The following NUP62CL variants were observed in gnomAD, a reference collection of about 807,000 sequenced individuals.
The protein encoded by NUP62CL is nucleoporin 62 C-terminal like.
NUP62CL carries 13 observed loss-of-function variants against 15.3 expected under a neutral mutation model. The ratio of observed to expected loss-of-function variants is 0.85; its 90% CI spans 0.55 to 1.35. NUP62CL has a LOEUF of 1.35. Ranked by LOEUF, NUP62CL falls within the 40% of genes most tolerant of loss-of-function variation. NUP62CL has a pLI of 0.00. For synonymous variants in NUP62CL, 54 were observed against 49.2 expected (o/e 1.10, Z -0.41); for missense variants, 123 against 130.6 (o/e 0.94, Z 0.28).
intron 8 of NUP62CL, among the ~76,000 whole-genome samples, chrX:107,142,957 G>A (rs781739104): frequency 7.2e-5 from 8 of 111,436 alleles, no homozygotes; most frequent in Admixed American, 2.9e-4. Context: ...TAGACTGATC[G>A]GGAGGAAAAA....
Position 107,141,108 on chromosome X carries a change from A to G in NUP62CL, c.*42+6635T>C, listed in dbSNP as rs768242188. On this transcript the variant is annotated intron_variant, in intron 8 of 8. Coordinates refer to ENST00000372466, the MANE Select transcript of NUP62CL (RefSeq NM_017681.3). ...CATAAGTAGGATTAGTGAGAAATCT[A>G]ATTTTGCAGATGTATTGAGTGTATT... Among the ~76,000 whole-genome samples the G allele has an allele frequency of 3.6e-5, 4 of 112,585 alleles. No individual in the cohort carries two copies. In the South Asian group the frequency reaches 1.5e-3, roughly 42 times the overall value.
At chrX:107,160,906 A>T (rs1210875268) in intron 4 of NUP62CL, among the ~76,000 whole-genome samples, 146 of 108,634 alleles carry the variant, frequency 1.3e-3, no homozygotes, top group Non-Finnish European at 2.5e-3. Context: ...AATATCCAGA[A>T]TCTACAATGA....
At chrX:107,187,430 C>T (rs1281995662) in intron 2 of NUP62CL, among the ~76,000 whole-genome samples, 1 of 112,381 alleles carries the variant, frequency 8.9e-6, no homozygotes, top group Non-Finnish European at 1.9e-5. Flanking sequence ...TGAAGTCTGG[C>T]TCTGTCACCC....
chrX:107,142,146 A>C (rs985900298), intron 8 of NUP62CL, among the ~76,000 whole-genome samples: 1 of 111,032 alleles, frequency 9.0e-6, no homozygotes, highest in African/African-American at 3.3e-5. Context: ...AATTAAAAGC[A>C]ATACCCTCAG....
intron 1 of NUP62CL, among the ~76,000 whole-genome samples, chrX:107,205,971 C>T (rs1303025922): frequency 9.1e-6 from 1 of 110,404 alleles, no homozygotes; most frequent in African/African-American, 3.3e-5. Context: ...GCCTTGCCTA[C>T]AGAGGAGAAT....
intron 4 of NUP62CL, among the ~76,000 whole-genome samples, chrX:107,157,979 C>T (rs1422413425): frequency 9.8e-6 from 1 of 101,823 alleles, no homozygotes; most frequent in Non-Finnish European, 2.0e-5. Context: ...GGTTGCAATC[C>T]TAGTCTCTGA....
chrX:107,146,050 A>G (rs1431400699), intron 8 of NUP62CL, among the ~76,000 whole-genome samples: 1 of 111,845 alleles, frequency 8.9e-6, no homozygotes, highest in Non-Finnish European at 1.9e-5. Context: ...TACTACATAA[A>G]TGGTATTGTA....
intron 8 of NUP62CL, among the ~76,000 whole-genome samples, chrX:107,138,770 A>G (rs1373086793): frequency 8.9e-6 from 1 of 112,289 alleles, no homozygotes; most frequent in Non-Finnish European, 1.9e-5. Context: ...ACCCACAACT[A>G]CCATATGATC....
intron 8 of NUP62CL, among the ~76,000 whole-genome samples, chrX:107,128,068 A>G (rs1929490461): frequency 8.9e-6 from 1 of 112,038 alleles, no homozygotes; most frequent in Non-Finnish European, 1.9e-5. Flanking sequence ...CCTACCTGGA[A>G]GGATATATAC....
chrX:107,202,420 T>C (rs989915607), intron 1 of NUP62CL, among the ~76,000 whole-genome samples: 2 of 111,272 alleles, frequency 1.8e-5, no homozygotes, highest in African/African-American at 6.5e-5. Flanking sequence ...AAATTATAAA[T>C]TAATACACAC....
intron 7 of NUP62CL, among the ~76,000 whole-genome samples, chrX:107,152,051 TATATATATATATATATATATATATTCAG>T (rs1569356961): frequency 2.9e-4 from 16 of 55,605 alleles, no homozygotes; most frequent in Non-Finnish European, 4.2e-4. Flanking sequence ...TATATTCAGA[TATATATATATATATATATATATATTCAG>T]ATATATATAT....
At chrX:107,200,631 A>AAGAG (rs780197630) in intron 1 of NUP62CL, among the ~76,000 whole-genome samples, 1 of 106,336 alleles carries the variant, frequency 9.4e-6, no homozygotes, top group African/African-American at 3.4e-5. Context: ...AAAAAAAAAA[A>AAGAG]AGAGAGAGAG....
At chrX:107,141,175 G>A (rs1925758672) in intron 8 of NUP62CL, among the ~76,000 whole-genome samples, 1 of 111,885 alleles carries the variant, frequency 8.9e-6, no homozygotes, top group African/African-American at 3.3e-5. Flanking sequence ...TTTGGGAAGT[G>A]GAGCTCTGAG....
chrX:107,189,836 A>G (rs938385922), intron 2 of NUP62CL, among the ~76,000 whole-genome samples: 12 of 52,010 alleles, frequency 2.3e-4, no homozygotes, highest in Non-Finnish European at 4.0e-4. Context: ...GAGGGAAGGA[A>G]GGAAGGAAGG....
At chrX:107,197,772 A>C (rs1316949269) in intron 1 of NUP62CL, among the ~76,000 whole-genome samples, 2 of 111,532 alleles carry the variant, frequency 1.8e-5, no homozygotes, top group East Asian at 5.6e-4. Context: ...CTGGAGATAA[A>C]GAAAACAACT....
At chrX:107,142,619 A>G (rs1192313636) in intron 8 of NUP62CL, among the ~76,000 whole-genome samples, 1 of 112,259 alleles carries the variant, frequency 8.9e-6, no homozygotes, top group African/African-American at 3.2e-5. Context: ...GGGGTGTTGG[A>G]TAAATATTAC....
In NUP62CL at chrX:107,183,320, G is replaced by A; in HGVS notation, c.-47-8127C>T. On this transcript the variant is annotated intron_variant, in intron 2 of 8. Transcript: ENST00000372466. ...ATATAAAATAGACGTAAGAAGCCCAGGAGTGGTGGCTCACACCTGTAATCC... is the reference window on the plus strand; with the variant it reads ...ATATAAAATAGACGTAAGAAGCCCAAGAGTGGTGGCTCACACCTGTAATCC... Among the ~76,000 whole-genome samples, 3 of 111,073 alleles carry A rather than the reference G, an allele frequency of 2.7e-5. No homozygotes were observed. In the South Asian group the frequency reaches 1.2e-3, roughly 43 times the overall value.
rs186521577 is a variant in NUP62CL at position 107,150,641 on chromosome X, G to C, written c.530+2531C>G. 2.6e-3 allele frequency among the ~76,000 whole-genome samples: 293 copies of C among 112,236 alleles called. 3 individuals are homozygous for C. The highest frequency in any genetic ancestry group is 9.0e-3 in the African/African-American group (277 of 30,940). ...GCCTCCAGAGTAGGTAGGACTATAG[G>C]TATGTACCACCATGCCCAGATAGAT... is the stretch of plus-strand genomic sequence containing the variant. On this transcript the variant is annotated intron_variant, in intron 7 of 8. Coordinates refer to ENST00000372466, the MANE Select transcript of NUP62CL (RefSeq NM_017681.3).
intron 1 of NUP62CL, among the ~76,000 whole-genome samples, chrX:107,193,926 C>CT (rs1927304954): frequency 9.0e-6 from 1 of 110,625 alleles, no homozygotes; most frequent in Non-Finnish European, 1.9e-5. Context: ...CAAGAAACGC[C>CT]TAACAGTATT....
Sources: allele counts gnomAD v4.1 joint callset (sites outside exome capture counted in the v4.1 genomes callset), GRCh38; gene constraint gnomAD v4.1.1; transcripts MANE v1.5; gene names NCBI Gene and HGNC (gene_info 2026-07-23, HGNC 2026-07-21).